Variants in PTCHD4 observed in about 807,000 individuals in gnomAD.
The protein encoded by PTCHD4 is patched domain-containing protein 4.
Under a neutral mutation model 58.1 loss-of-function variants are expected in PTCHD4, and 33 were observed. The ratio of observed to expected loss-of-function variants is 0.57; its 90% CI spans 0.43 to 0.76. The LOEUF is 0.76. Ranked by LOEUF, PTCHD4 falls within the 30% of genes least tolerant of loss-of-function variation. The probability of loss-of-function intolerance (pLI) is 0.00; values close to 1 mark genes in which losing one functional copy is unlikely to be tolerated. For synonymous variants in PTCHD4, 478 were observed against 409.6 expected, an observed-to-expected ratio of 1.17 and a Z score of -2.02; for missense variants, 1,058 against 1,027.1, an observed-to-expected ratio of 1.03 and a Z score of -0.41.
At chr6:47,891,355 AC>A (rs1356604554) in intron 4 of PTCHD4, among the ~76,000 whole-genome samples, 5 of 152,092 alleles carry the variant, frequency 3.3e-5, no homozygotes, top group Non-Finnish European at 7.4e-5. Context: ...CTTCTCGACC[AC>A]AGACAACCTC....
intron 4 of PTCHD4, chr6:47,901,327 G>T: frequency 1.9e-6 from 1 of 535,854 alleles, no homozygotes; most frequent in Non-Finnish European, 2.4e-6. Context: ...TGATGTTTTT[G>T]TCTGGTTTTA....
At chr6:47,900,408 TG>T (rs1764660793) in intron 4 of PTCHD4, 1 of 152,244 alleles carries the variant, frequency 6.6e-6, no homozygotes, top group Non-Finnish European at 1.5e-5. Flanking sequence ...TTTGGCCACT[TG>T]TTTATCTTCT....
Position 47,863,191 on chromosome 6 carries a change from G to C in PTCHD4, c.*15112C>G, listed in dbSNP as rs1429995070. 6.6e-6 allele frequency among the ~76,000 whole-genome samples: 1 copy of C among 151,846 alleles called. No homozygotes were observed. The highest frequency in any genetic ancestry group is 2.1e-4 in the South Asian group (1 of 4,830). The stretch of plus-strand genomic sequence containing the variant: ...CAGGGGCAGATCAAAATTTTGTTGA[G>C]CCTGAAGTGTATACATTTTTGGAGT... On this transcript the variant is annotated 3_prime_UTR_variant, in exon 5 of 5. Coordinates refer to ENST00000339488, the MANE Select transcript of PTCHD4 (RefSeq NM_001384253.1).
chr6:48,079,970 A>ATTTTTTTTTTTTTTTTTTTT (rs141629864), intron 1 of PTCHD4, among the ~76,000 whole-genome samples: 1 of 76,146 alleles, frequency 1.3e-5, no homozygotes, highest in South Asian at 4.8e-4. Context: ...CCTTATGATG[A>ATTTTTTTTTTTTTTTTTTTT]TTTTTTTTTT....
At chr6:47,966,526 CTTCT>C (rs1421531861) in intron 4 of PTCHD4, among the ~76,000 whole-genome samples, 1 of 152,140 alleles carries the variant, frequency 6.6e-6, no homozygotes, top group Non-Finnish European at 1.5e-5. Context: ...GAAATTGACC[CTTCT>C]TTCCATGAAA....
intron 3 of PTCHD4, among the ~76,000 whole-genome samples, chr6:48,042,133 C>T (rs985582442): frequency 3.9e-5 from 6 of 151,956 alleles, no homozygotes; most frequent in Non-Finnish European, 5.9e-5. Context: ...GACACAAATG[C>T]TTTGTTCTCT....
intron 4 of PTCHD4, among the ~76,000 whole-genome samples, chr6:47,950,055 G>A (rs145840483): frequency 0.016 from 1,641 of 99,980 alleles, 28 homozygotes; most frequent in African/African-American, 0.055. Flanking sequence ...AACAGGCCCC[G>A]GAGTGTGACG....
Position 47,882,741 on chromosome 6 carries a change from G to GATATATATATATATAT in PTCHD4, c.899-2821_899-2806dup, listed in dbSNP as rs1554149146. Among the ~76,000 whole-genome samples the GATATATATATATATAT allele has an allele frequency of 1.1e-4, 11 of 102,438 alleles. 1 individual carries two copies. Among genetic ancestry groups the GATATATATATATATAT allele is most frequent in the South Asian group, 6.8e-4 (2 of 2,950 alleles). The allele number at this position is 102,438 out of a possible 152,430, so 67.2% of individuals were successfully genotyped here. ...TGAATCCATTTCTAATGATTCCAGT[G>GATATATATATATATAT]ATATATATATATATATTCCTTAAAT... On this transcript the variant is annotated intron_variant, in intron 4 of 4. Transcript: ENST00000339488.
chr6:47,885,165 C>G (rs1340510636), intron 4 of PTCHD4, among the ~76,000 whole-genome samples: 7 of 152,012 alleles, frequency 4.6e-5, no homozygotes, highest in Non-Finnish European at 8.8e-5. Context: ...TCCTTTAGCA[C>G]AGTTTTTTGA....
intron 4 of PTCHD4, among the ~76,000 whole-genome samples, chr6:47,945,048 G>T (rs1437573032): frequency 6.6e-6 from 1 of 152,058 alleles, no homozygotes; most frequent in Non-Finnish European, 1.5e-5. Flanking sequence ...AAATCCAAAG[G>T]TGACGGAATC....
chr6:47,962,195 C>CA lies in PTCHD4; in HGVS notation c.898+46438dup, dbSNP rs534290947. 1.6e-3 allele frequency among the ~76,000 whole-genome samples: 246 copies of CA among 151,864 alleles called. 1 individual carries two copies. Among genetic ancestry groups the CA allele is most frequent in the African/African-American group, 5.7e-3 (235 of 41,452 alleles). On this transcript the variant is annotated intron_variant, in intron 4 of 4. Coordinates refer to ENST00000339488, the MANE Select transcript of PTCHD4 (RefSeq NM_001384253.1). ...AGAATTTCTTGAAAAATTTATACCA[C>CA]AAAAAAAATTCCAGTGATTTAACAA...
intron 1 of PTCHD4, among the ~76,000 whole-genome samples, chr6:48,104,871 G>A (rs1765686114): frequency 6.6e-6 from 1 of 152,180 alleles, no homozygotes; most frequent in African/African-American, 2.4e-5. Flanking sequence ...TTACATAATG[G>A]TAAAGGGATC....
chr6:47,948,858 C>G (rs982202500), intron 4 of PTCHD4, among the ~76,000 whole-genome samples: 1 of 152,160 alleles, frequency 6.6e-6, no homozygotes, highest in Non-Finnish European at 1.5e-5. Flanking sequence ...TATTTCTCAC[C>G]ACTGTCCCCT....
At chr6:47,942,132 C>A (rs1454374536) in intron 4 of PTCHD4, among the ~76,000 whole-genome samples, 1 of 152,182 alleles carries the variant, frequency 6.6e-6, no homozygotes, top group Non-Finnish European at 1.5e-5. Flanking sequence ...TGATTTAGGG[C>A]TGCTTATACA....
At chr6:48,092,072 A>G (rs80325410) in intron 1 of PTCHD4, among the ~76,000 whole-genome samples, 3 of 152,144 alleles carry the variant, frequency 2.0e-5, no homozygotes, top group East Asian at 3.9e-4. Flanking sequence ...ACTTACTCTA[A>G]TATATTTCAT....
At chr6:47,995,685 T>C (rs1466220490) in intron 4 of PTCHD4, among the ~76,000 whole-genome samples, 3 of 152,326 alleles carry the variant, frequency 2.0e-5, no homozygotes, top group Admixed American at 6.5e-5. Context: ...GGCATCTTAC[T>C]TAGTTTTTCC....
intron 4 of PTCHD4, among the ~76,000 whole-genome samples, chr6:47,881,880 G>T (rs768153406): frequency 6.6e-6 from 1 of 152,078 alleles, no homozygotes; most frequent in African/African-American, 2.4e-5. Flanking sequence ...GGAAAGATGA[G>T]TTTATCATAA....
intron 1 of PTCHD4, among the ~76,000 whole-genome samples, chr6:48,093,780 G>T (rs1210145037): frequency 2.0e-5 from 3 of 152,042 alleles, no homozygotes; most frequent in Non-Finnish European, 4.4e-5. Flanking sequence ...TGACTATAAA[G>T]AAACCTACTG....
chr6:47,955,233 G>A (rs970319666), intron 4 of PTCHD4, among the ~76,000 whole-genome samples: 8 of 152,182 alleles, frequency 5.3e-5, no homozygotes, highest in African/African-American at 1.9e-4. Context: ...GCATTAACAG[G>A]AGCATGTGTA....
Sources: gnomAD v4.1 joint callset for allele counts (sites outside exome capture counted in the v4.1 genomes callset) on GRCh38, gnomAD v4.1.1 for gene constraint, MANE v1.5 for transcripts, NCBI Gene and HGNC (gene_info 2026-07-23, HGNC 2026-07-21) for gene names.